COL22A1: variants seen among roughly 807,000 people sequenced by gnomAD.
COL22A1 encodes collagen alpha-1(XXII) chain.
A neutral mutation model predicts 248.9 loss-of-function variants in COL22A1; 221 were observed. That is an observed-to-expected ratio of 0.89 (90% confidence interval 0.80 to 0.99). COL22A1 has a LOEUF of 0.99. COL22A1 is among the 50% of genes least tolerant of loss of function. The pLI, the probability that COL22A1 is intolerant of heterozygous loss-of-function variation, is 0.00. For missense variants in COL22A1, 2,240 were observed against 2,179.0 expected (o/e 1.03, Z -0.56); for synonymous variants, 891 against 793.4 (o/e 1.12, Z -2.07).
chr8:138,704,618 C>T (rs2131004395), intron 30 of COL22A1, among the ~76,000 whole-genome samples: 1 of 152,330 alleles, frequency 6.6e-6, no homozygotes, highest in Admixed American at 6.5e-5. Context: ...CCAACCCCAT[C>T]TGTACATCAC....
At chr8:138,607,290 A>G (rs1818498141) in intron 57 of COL22A1, among the ~76,000 whole-genome samples, 1 of 152,204 alleles carries the variant, frequency 6.6e-6, no homozygotes. Context: ...AGCCAATTTT[A>G]GCAAGTAAAA....
chr8:138,602,491 G>C (rs1034792731), intron 59 of COL22A1, among the ~76,000 whole-genome samples: 1 of 152,182 alleles, frequency 6.6e-6, no homozygotes, highest in African/African-American at 2.4e-5. Flanking sequence ...GTCTTCAACA[G>C]GCTGTCACTG....
rs1371476824 is a variant in COL22A1, at chr8:138,694,886, G to A, written c.2593-7C>T. The A allele has an allele frequency of 1.9e-6, 3 of 1,613,828 alleles. No individual in the cohort carries two copies. The highest frequency in any genetic ancestry group is 1.3e-5 in the African/African-American group (1 of 74,908). ...CTTTGGGCCCTTGTTCTCCCTGTTG[G>A]TGAGAAGCATAGGGTAGAGTGGACT... On this transcript the variant is annotated splice_region_variant and splice_polypyrimidine_tract_variant and intron_variant, in intron 32 of 64. Coordinates refer to ENST00000303045, the MANE Select transcript of COL22A1 (RefSeq NM_152888.3).
intron 1 of COL22A1, among the ~76,000 whole-genome samples, chr8:138,912,090 CT>C (rs1815490461): frequency 6.6e-6 from 1 of 152,132 alleles, no homozygotes; most frequent in Non-Finnish European, 1.5e-5. Context: ...CCAGATGCCT[CT>C]TGTGTTATCT....
chr8:138,692,057 CGCGCACGTTTGTGGAGGTGTATGTGTAT>C (rs1827030644), intron 35 of COL22A1, among the ~76,000 whole-genome samples: 2 of 43,764 alleles, frequency 4.6e-5, no homozygotes. Context: ...TGTGTGTGTG[CGCGCACGTTTGTGGAGGTGTATGTGTAT>C]ACGTGCATGT....
At chr8:138,846,325 G>A (rs539962054) in intron 3 of COL22A1, among the ~76,000 whole-genome samples, 2 of 152,300 alleles carry the variant, frequency 1.3e-5, no homozygotes, top group Non-Finnish European at 2.9e-5. Context: ...CTTTGATGAT[G>A]AGCAAATCTC....
chr8:138,815,094 G>A (rs1336641720), intron 7 of COL22A1, among the ~76,000 whole-genome samples: 1 of 152,198 alleles, frequency 6.6e-6, no homozygotes, highest in Admixed American at 6.5e-5. Flanking sequence ...TGCCATGTAA[G>A]ATGTGACTTT....
chr8:138,805,199 T>C (rs1312240681), intron 10 of COL22A1, among the ~76,000 whole-genome samples: 3 of 142,414 alleles, frequency 2.1e-5, no homozygotes, highest in Admixed American at 7.0e-5. Context: ...TGTGATTGGG[T>C]GTGTGATGGG....
At chr8:138,723,666 C>T (rs180791226) in intron 25 of COL22A1, among the ~76,000 whole-genome samples, 8 of 152,300 alleles carry the variant, frequency 5.3e-5, no homozygotes, top group East Asian at 3.9e-4. Context: ...TGTTTAGAAA[C>T]GTTTGCCGGT....
At position 138,826,733 on chromosome 8, in the gene COL22A1, G is replaced by A; in HGVS notation, c.894C>T (p.Thr298=). 1 of 1,614,120 alleles carries A rather than the reference G, an allele frequency of 6.2e-7. No homozygotes were observed. The highest frequency in any genetic ancestry group is 8.5e-7 in the Non-Finnish European group (1 of 1,179,992). ...TCCGAGAGGTTTTCCTGAACCGGAA[G>A]GTTGTGACAAAGGCGTACTCATCAG... ...GLPDEYAFVT[T]FRFRKTSRKE... is the part of the protein sequence containing the mutation. Residue 298 remains threonine (T), a synonymous_variant, in exon 6 of 65, where the codon ACC becomes ACT. Transcript: ENST00000303045.
chr8:138,911,847 T>C (rs989823962), intron 1 of COL22A1, among the ~76,000 whole-genome samples: 1 of 152,172 alleles, frequency 6.6e-6, no homozygotes, highest in African/African-American at 2.4e-5. Context: ...AAAGGATGCA[T>C]GGATCCCTGG....
intron 63 of COL22A1, 81 bp downstream of exon 63, chr8:138,593,936 A>T: frequency 9.0e-7 from 1 of 1,105,762 alleles, no homozygotes; most frequent in Non-Finnish European, 1.3e-6. Flanking sequence ...TGAATAATGC[A>T]TGCAGTGCCA....
chr8:138,878,251 C>T lies in COL22A1; in HGVS notation c.157G>A (p.Asp53Asn). ...ACCCACTGCCGGACCTTCTCAAAGT[C>T]CTCCTTGCCCACGCTGGAGGAGGTG... Reference protein sequence around the residue: ...LDTSSSVGKEDFEKVRQWVAN... With the variant: ...LDTSSSVGKENFEKVRQWVAN... Residue 53 changes from aspartate to asparagine, a missense_variant, in exon 3 of 65, where the codon GAC becomes AAC. By Grantham distance (23) the Asp-to-Asn change is conservative. Coordinates refer to ENST00000303045, the MANE Select transcript of COL22A1 (RefSeq NM_152888.3). 10 of 1,588,636 alleles carry T rather than the reference C, an allele frequency of 6.3e-6. No individual in the cohort carries two copies. Among genetic ancestry groups the T allele is most frequent in the Non-Finnish European group, 8.6e-6 (10 of 1,167,158 alleles).
intron 53 of COL22A1, among the ~76,000 whole-genome samples, chr8:138,617,192 C>T (rs534741595): frequency 1.3e-5 from 2 of 152,332 alleles, no homozygotes; most frequent in East Asian, 3.9e-4. Context: ...CAGGGCTCAT[C>T]CCACAAATGC....
In COL22A1 at chr8:138,688,960, C is replaced by A. The variant is rs1162060752; in HGVS notation, c.2819G>T (p.Gly940Val). The A allele has an allele frequency of 6.2e-7, 1 of 1,613,130 alleles. No homozygotes were observed. The change falls in exon 37 of 65, where the codon GGC (glycine) becomes GTC (valine). Residue 940 changes from glycine (G) to valine (V), a missense_variant. Physicochemically the swap from Gly to Val is moderately radical, Grantham distance 109. Transcript: ENST00000303045. ...SGPPGSVGAP[G>V]LRGTPGKDGE... Reference sequence around the variant, plus strand: ...ATCTTTCCCTGGGGTGCCTCTGAGGCCGGGAGCACCCTGTGGCAAGGAAGA... The same window carrying A: ...ATCTTTCCCTGGGGTGCCTCTGAGGACGGGAGCACCCTGTGGCAAGGAAGA...
rs549521277 is a variant in COL22A1 at position 138,588,946 on chromosome 8, C to T, written c.*307G>A. Reference sequence around the variant, plus strand: ...TGTCAGAAGAATGAAGAAACAATCTCCTGCCCCACGAATCAAGTTTTCCCA... The same window carrying T: ...TGTCAGAAGAATGAAGAAACAATCTTCTGCCCCACGAATCAAGTTTTCCCA... On this transcript the variant is annotated 3_prime_UTR_variant, in exon 65 of 65. Transcript: ENST00000303045. The T allele has an allele frequency of 4.4e-6, 1 of 229,488 alleles. No individual in the cohort carries two copies. The allele number at this position is 229,488 out of a possible 1,614,324, so 14.2% of individuals were successfully genotyped here.
In COL22A1 at chr8:138,660,429, G is replaced by A. The variant is rs766434859; in HGVS notation, c.3285+7C>T. On this transcript the variant is annotated splice_region_variant and intron_variant, in intron 44 of 64. Coordinates refer to ENST00000303045, the MANE Select transcript of COL22A1 (RefSeq NM_152888.3). ...CAATATTCATCCAGAACCATAAGAT[G>A]ACATACCGGCTTGCCAGGAGGCCCT... 10 of 1,611,932 alleles carry A rather than the reference G, an allele frequency of 6.2e-6. No individual in the cohort carries two copies. Among genetic ancestry groups the A allele is most frequent in the Admixed American group, 1.7e-5 (1 of 60,024 alleles).
chr8:138,698,437 G>A (rs927074732), intron 32 of COL22A1, among the ~76,000 whole-genome samples: 17 of 152,350 alleles, frequency 1.1e-4, no homozygotes, highest in African/African-American at 3.8e-4. Context: ...CCTCAAGGCT[G>A]TTAGGAGGCT....
rs750721440 is a variant in COL22A1, at chr8:138,694,783, C to T, written c.2646+43G>A. 8.7e-6 allele frequency: 14 copies of T among 1,606,964 alleles called. No individual in the cohort carries two copies. In the South Asian group the frequency reaches 1.1e-4, roughly 13 times the overall value. Reference sequence around the variant, plus strand: ...GGTCAGCCTTTGGAGTCCGGGTCTCCAGGTAACCAGCCCTGCGGGGGAAGG... The same window carrying T: ...GGTCAGCCTTTGGAGTCCGGGTCTCTAGGTAACCAGCCCTGCGGGGGAAGG... On this transcript the variant is annotated intron_variant, in intron 33 of 64. Coordinates refer to ENST00000303045, the MANE Select transcript of COL22A1 (RefSeq NM_152888.3).
Sources: allele counts gnomAD v4.1 joint callset (sites outside exome capture counted in the v4.1 genomes callset), GRCh38; gene constraint gnomAD v4.1.1; transcripts MANE v1.5; gene names NCBI Gene and HGNC (gene_info 2026-07-23, HGNC 2026-07-21).